The following CBLN2 variants were observed in gnomAD, a reference collection of about 807,000 sequenced individuals.
CBLN2 encodes the protein cerebellin 2 precursor, also known as cerebellin-2.
CBLN2 carries 7 observed loss-of-function variants against 15.0 expected under a neutral mutation model. That is an observed-to-expected ratio of 0.47 (90% CI 0.27 to 0.88). The LOEUF (loss-of-function observed/expected upper bound fraction) is 0.88, where lower values mean the gene tolerates loss of function less well. Among genes scored for constraint, CBLN2 ranks in the 40% least tolerant of loss-of-function variants. The pLI is 0.14. For missense variants in CBLN2, 242 were observed against 304.5 expected (o/e 0.79, Z 1.53); for synonymous variants, 149 against 135.2 (o/e 1.10, Z -0.71).
chr18:72,597,385 G>A (rs997266421), intron 1 of CBLN2, among the ~76,000 whole-genome samples: 1 of 152,198 alleles, frequency 6.6e-6, no homozygotes, highest in Non-Finnish European at 1.5e-5. Flanking sequence ...CACTTTGCCT[G>A]AACAAACAGA....
At chr18:72,592,452 G>T (rs2069486118) in intron 1 of CBLN2, among the ~76,000 whole-genome samples, 1 of 151,808 alleles carries the variant, frequency 6.6e-6, no homozygotes, top group Non-Finnish European at 1.5e-5. Context: ...TCTGTGAGTT[G>T]TCTGTTGATT....
chr18:72,584,068 T>C (rs536439559), intron 1 of CBLN2, among the ~76,000 whole-genome samples: 1 of 152,322 alleles, frequency 6.6e-6, no homozygotes, highest in Non-Finnish European at 1.5e-5. Flanking sequence ...CTCCAGGACC[T>C]CTAGTTTCTG....
intron 1 of CBLN2, among the ~76,000 whole-genome samples, chr18:72,577,080 G>A (rs2069372925): frequency 6.8e-6 from 1 of 148,122 alleles, no homozygotes; most frequent in African/African-American, 2.5e-5. Flanking sequence ...TTATAAAAAG[G>A]ATTCGGTCCT....
rs3030024 is a variant in CBLN2 at position 72,630,495 on chromosome 18, A to AACACAC, written c.15+7824_15+7829dup. Among the ~76,000 whole-genome samples, 313 of 140,480 alleles carry AACACAC rather than the reference A, an allele frequency of 2.2e-3. 3 individuals carry two copies. Among genetic ancestry groups the AACACAC allele is most frequent in the African/African-American group, 7.1e-3 (264 of 37,034 alleles). The allele number at this position is 140,480 out of a possible 152,430, so 92.2% of individuals were successfully genotyped here. ...TTACATTGGTGATATCTACTGCTCC[A>AACACAC]ACACACACACACACACACACACACA... On this transcript the variant is annotated intron_variant, in intron 1 of 2. Transcript: ENST00000581073.
intron 1 of CBLN2, among the ~76,000 whole-genome samples, chr18:72,572,462 T>C (rs2069338487): frequency 2.0e-5 from 3 of 152,228 alleles, no homozygotes; most frequent in African/African-American, 7.2e-5. Flanking sequence ...AGAAAAGTAT[T>C]TCTTACCATA....
At chr18:72,571,962 T>C (rs2069335164) in intron 1 of CBLN2, among the ~76,000 whole-genome samples, 1 of 152,238 alleles carries the variant, frequency 6.6e-6, no homozygotes, top group South Asian at 2.1e-4. Flanking sequence ...TATTAGATTA[T>C]ATAATACCTT....
chr18:72,612,249 T>C (rs1326682105), intron 1 of CBLN2, among the ~76,000 whole-genome samples: 7 of 152,190 alleles, frequency 4.6e-5, no homozygotes, highest in Non-Finnish European at 1.5e-5. Flanking sequence ...ACATGAATTT[T>C]AGAATAGTTT....
chr18:72,599,359 G>A (rs556704692), intron 1 of CBLN2, among the ~76,000 whole-genome samples: 4 of 152,216 alleles, frequency 2.6e-5, no homozygotes, highest in South Asian at 2.1e-4. Context: ...TTCGTGGGTG[G>A]TAATACAAAA....
At chr18:72,554,964 C>T (rs1459773465) in intron 1 of CBLN2, among the ~76,000 whole-genome samples, 4 of 151,944 alleles carry the variant, frequency 2.6e-5, no homozygotes, top group Admixed American at 6.6e-5. Context: ...GGTGAAAACC[C>T]GTCTCTATTA....
intron 1 of CBLN2, among the ~76,000 whole-genome samples, chr18:72,597,003 T>C (rs887665517): frequency 4.6e-5 from 7 of 152,228 alleles, no homozygotes; most frequent in African/African-American, 1.7e-4. Flanking sequence ...GAATAAATTT[T>C]CTACCCCTAT....
In CBLN2 at chr18:72,542,093, C is replaced by G. The variant is rs769113370; in HGVS notation, c.68G>C (p.Arg23Pro). The change falls in exon 3 of 5, where the codon CGC (arginine) becomes CCC (proline). Residue 23 changes from arginine (R) to proline (P), a missense_variant. This residue lies in a region of CBLN2 where 96 missense variants were observed against 83.8 expected (regional missense o/e 1.15). Transcript: ENST00000269503. The stretch of plus-strand genomic sequence containing the variant: ...GCAGGATCCGCAGCCGCCCGGCTCG[C>G]GCAGCGCCCCCCGGCGCCCGGGCAT... ...LMMPGRRGAL[R>P]EPGGCGSCLG... The G allele has an allele frequency of 1.3e-6, 2 of 1,494,876 alleles. No homozygotes were observed. Among genetic ancestry groups the G allele is most frequent in the South Asian group, 2.6e-5 (2 of 77,824 alleles). 92.6% of individuals were successfully genotyped at this position (1,494,876 alleles called of 1,614,324 possible).
chr18:72,625,810 C>CTATATATATATATATATA (rs771321456), intron 1 of CBLN2, among the ~76,000 whole-genome samples: 1 of 67,720 alleles, frequency 1.5e-5, no homozygotes, highest in Non-Finnish European at 3.0e-5. Flanking sequence ...CTCTCTCTCT[C>CTATATATATATATATATA]TCTCTCTCTA....
intron 1 of CBLN2, among the ~76,000 whole-genome samples, chr18:72,567,287 G>C (rs2069301378): frequency 6.6e-6 from 1 of 151,812 alleles, no homozygotes; most frequent in East Asian, 2.0e-4. Context: ...GGATATTTCT[G>C]TTTCTGGAGA....
chr18:72,560,602 T>C (rs2069253804), intron 1 of CBLN2, among the ~76,000 whole-genome samples: 2 of 152,234 alleles, frequency 1.3e-5, no homozygotes. Context: ...AGAGACCGCA[T>C]GGCCTGCAAA....
chr18:72,633,627 G>T (rs183569542), intron 1 of CBLN2, among the ~76,000 whole-genome samples: 1 of 152,164 alleles, frequency 6.6e-6, no homozygotes, highest in African/African-American at 2.4e-5. Flanking sequence ...CTAATGAAAA[G>T]TAATCAGAAC....
chr18:72,620,778 A>G (rs2069695427), intron 1 of CBLN2, among the ~76,000 whole-genome samples: 1 of 152,198 alleles, frequency 6.6e-6, no homozygotes, highest in African/African-American at 2.4e-5. Context: ...TCAAGTGTTC[A>G]GATCTTCCAA....
intron 1 of CBLN2, among the ~76,000 whole-genome samples, chr18:72,560,292 T>G (rs1299792178): frequency 6.6e-6 from 1 of 152,166 alleles, no homozygotes; most frequent in East Asian, 1.9e-4. Flanking sequence ...AAAATAATTC[T>G]TCTGTGTTTA....
chr18:72,541,729 G>GA, intron 3 of CBLN2, 75 bp downstream of exon 3: 1 of 1,261,796 alleles, frequency 7.9e-7, no homozygotes, highest in Non-Finnish European at 1.1e-6. Flanking sequence ...CAAGAAGCCT[G>GA]AACCCCAGCC....
At chr18:72,538,454 A>C in intron 4 of CBLN2, 81 bp from the exon 5 acceptor site, 1 of 1,503,978 alleles carries the variant, frequency 6.6e-7, no homozygotes, top group Non-Finnish European at 9.2e-7. Context: ...CAATATCCCC[A>C]CTCCCACCCC....
Sources: allele counts gnomAD v4.1 joint callset (sites outside exome capture counted in the v4.1 genomes callset), GRCh38; gene constraint gnomAD v4.1.1; regional missense constraint gnomAD v4.1.1; transcripts MANE v1.5; gene names NCBI Gene and HGNC (gene_info 2026-07-23, HGNC 2026-07-21).